AUTS2: variants seen among roughly 807,000 people sequenced by gnomAD.
AUTS2 encodes autism susceptibility gene 2 protein.
A neutral mutation model predicts 112.4 loss-of-function variants in AUTS2; 17 were observed. The observed-to-expected ratio is 0.15, with a 90% confidence interval of 0.10 to 0.23. The LOEUF is 0.23. Among genes scored for constraint, AUTS2 ranks in the 10% least tolerant of loss-of-function variants. The pLI, the probability that AUTS2 is intolerant of heterozygous loss-of-function variation, is 1.00. For synonymous variants in AUTS2, 751 were observed against 702.7 expected (o/e 1.07, Z -1.09); for missense variants, 1,510 against 1,701.6 (o/e 0.89, Z 1.98).
At chr7:70,377,012 G>T (rs2129631475) in intron 4 of AUTS2, among the ~76,000 whole-genome samples, 1 of 151,562 alleles carries the variant, frequency 6.6e-6, no homozygotes, top group Middle Eastern at 3.4e-3. Context: ...TAATATCATT[G>T]GCAAATTGTG....
At chr7:69,649,660 T>C (rs1795205117) in intron 1 of AUTS2, among the ~76,000 whole-genome samples, 1 of 152,114 alleles carries the variant, frequency 6.6e-6, no homozygotes, top group African/African-American at 2.4e-5. Flanking sequence ...ATGTGAATTA[T>C]GTTTTGATGC....
At chr7:70,776,018 A>G (rs965916046) in intron 13 of AUTS2, among the ~76,000 whole-genome samples, 1 of 152,230 alleles carries the variant, frequency 6.6e-6, no homozygotes, top group Non-Finnish European at 1.5e-5. Context: ...TCTAGGGCAC[A>G]TAATCAGATA....
At position 69,818,020 on chromosome 7, in the gene AUTS2, A is replaced by G. The variant is rs532421518; in HGVS notation, c.310-81266A>G. ...TTTGTGAGCTGTTTGCCTGCATTTA[A>G]ATGCCATTTACATAAGGAGCTGTCA... On this transcript the variant is annotated intron_variant, in intron 1 of 18. Transcript: ENST00000342771. 2.0e-5 allele frequency among the ~76,000 whole-genome samples: 3 copies of G among 152,300 alleles called. No individual in the cohort carries two copies. The East Asian group carries it at 5.8e-4, about 29-fold the overall frequency.
intron 2 of AUTS2, among the ~76,000 whole-genome samples, chr7:70,047,643 G>C (rs1051832992): frequency 6.6e-6 from 1 of 152,112 alleles, no homozygotes; most frequent in African/African-American, 2.4e-5. Flanking sequence ...TATTTGGAGA[G>C]ATCACTCTTA....
At chr7:70,049,909 A>T (rs1289223389) in intron 2 of AUTS2, among the ~76,000 whole-genome samples, 2 of 152,170 alleles carry the variant, frequency 1.3e-5, no homozygotes, top group African/African-American at 4.8e-5. Flanking sequence ...GATATGATAT[A>T]TGAAGATACA....
intron 6 of AUTS2, among the ~76,000 whole-genome samples, chr7:70,743,468 C>CAAAAAAA (rs35444664): frequency 2.8e-5 from 2 of 71,246 alleles, no homozygotes; most frequent in African/African-American, 1.2e-4. Flanking sequence ...GACTCTGTCT[C>CAAAAAAA]AAAAAAAAAA....
chr7:70,569,288 C>G (rs1801841260), intron 5 of AUTS2, among the ~76,000 whole-genome samples: 1 of 152,172 alleles, frequency 6.6e-6, no homozygotes, highest in Admixed American at 6.5e-5. Flanking sequence ...GCTAGGGAAC[C>G]TTGTTAGCTC....
In AUTS2 at chr7:70,223,761, T is replaced by G. The variant is rs1385931959; in HGVS notation, c.660+89190T>G. Among the ~76,000 whole-genome samples, 2 of 152,116 alleles carry G rather than the reference T, an allele frequency of 1.3e-5. 1 individual carries two copies. Among genetic ancestry groups the G allele is most frequent in the Admixed American group, 1.3e-4 (2 of 15,272 alleles). Reference sequence around the variant, plus strand: ...TGCATGTTATTGCCCCTGAAGACCTTGCAGTGTGACAAGATGTGCAGCTGG... The same window carrying G: ...TGCATGTTATTGCCCCTGAAGACCTGGCAGTGTGACAAGATGTGCAGCTGG... On this transcript the variant is annotated intron_variant, in intron 4 of 18. Transcript: ENST00000342771.
intron 5 of AUTS2, among the ~76,000 whole-genome samples, chr7:70,507,680 C>G (rs1799020454): frequency 6.6e-6 from 1 of 151,958 alleles, no homozygotes; most frequent in Non-Finnish European, 1.5e-5. Flanking sequence ...ACCTGTAATC[C>G]CAGCTACTTG....
At chr7:69,772,117 G>T (rs577175331) in intron 1 of AUTS2, among the ~76,000 whole-genome samples, 1 of 152,108 alleles carries the variant, frequency 6.6e-6, no homozygotes, top group East Asian at 1.9e-4. Flanking sequence ...AGAAGAAACA[G>T]AAATGGGGAT....
intron 1 of AUTS2, among the ~76,000 whole-genome samples, chr7:69,819,681 G>A (rs1431510603): frequency 2.0e-5 from 3 of 152,278 alleles, no homozygotes; most frequent in Non-Finnish European, 2.9e-5. Flanking sequence ...GCTGTGGTGC[G>A]AACATGGCTC....
chr7:70,341,279 G>A (rs139529693), intron 4 of AUTS2, among the ~76,000 whole-genome samples: 63 of 152,172 alleles, frequency 4.1e-4, no homozygotes, highest in Middle Eastern at 3.4e-3. Flanking sequence ...CATTATTAAC[G>A]GACCGCAGCA....
chr7:69,886,967 G>T (rs1032770336), intron 1 of AUTS2, among the ~76,000 whole-genome samples: 2 of 152,132 alleles, frequency 1.3e-5, no homozygotes, highest in African/African-American at 4.8e-5. Flanking sequence ...TCTGGAGACT[G>T]GGTCTCACTC....
intron 5 of AUTS2, among the ~76,000 whole-genome samples, chr7:70,621,307 G>T (rs932118025): frequency 2.0e-5 from 3 of 152,098 alleles, no homozygotes; most frequent in Non-Finnish European, 4.4e-5. Flanking sequence ...TATTCACTGT[G>T]GGGGCAGGGT....
chr7:70,720,527 G>A (rs530049457), intron 6 of AUTS2, among the ~76,000 whole-genome samples: 1 of 152,264 alleles, frequency 6.6e-6, no homozygotes, highest in East Asian at 1.9e-4. Context: ...GAGGAAAGTA[G>A]TTGGTAGGGA....
intron 5 of AUTS2, among the ~76,000 whole-genome samples, chr7:70,520,864 C>T (rs188629669): frequency 9.2e-5 from 14 of 152,166 alleles, no homozygotes; most frequent in African/African-American, 2.7e-4. Flanking sequence ...TCCTAATGAG[C>T]CTTTCTTTGT....
At chr7:69,853,029 T>G (rs1247226144) in intron 1 of AUTS2, among the ~76,000 whole-genome samples, 1 of 152,198 alleles carries the variant, frequency 6.6e-6, no homozygotes, top group Non-Finnish European at 1.5e-5. Context: ...CTTTTAAATT[T>G]GCTAAGGTTT....
At chr7:69,701,785 G>A (rs1393228979) in intron 1 of AUTS2, among the ~76,000 whole-genome samples, 2 of 152,210 alleles carry the variant, frequency 1.3e-5, no homozygotes, top group Non-Finnish European at 2.9e-5. Flanking sequence ...CGACTGAAGA[G>A]ATGGGGAGTC....
intron 1 of AUTS2, among the ~76,000 whole-genome samples, chr7:69,744,322 T>C (rs887846196): frequency 6.6e-6 from 1 of 152,164 alleles, no homozygotes; most frequent in African/African-American, 2.4e-5. Flanking sequence ...AGTAAATATC[T>C]AGGAGTAGAA....
Sources: gnomAD v4.1 joint callset for allele counts (sites outside exome capture counted in the v4.1 genomes callset) on GRCh38, gnomAD v4.1.1 for gene constraint, MANE v1.5 for transcripts, NCBI Gene and HGNC (gene_info 2026-07-23, HGNC 2026-07-21) for gene names.